Variants in COBLL1 observed in about 807,000 individuals in gnomAD.
COBLL1 encodes cordon-bleu protein-like 1.
Under a neutral mutation model 94.8 loss-of-function variants are expected in COBLL1, and 50 were observed. The observed-to-expected ratio is 0.53, with a 90% CI of 0.42 to 0.67. The LOEUF is 0.67. COBLL1 is among the 30% of genes least tolerant of loss of function. The probability of loss-of-function intolerance (pLI) is 0.00; values close to 1 mark genes in which losing one functional copy is unlikely to be tolerated. For synonymous variants in COBLL1, 448 were observed against 473.8 expected (o/e 0.95, Z 0.71); for missense variants, 1,362 against 1,348.7 (o/e 1.01, Z -0.15).
chr2:164,673,378 T>TGGGCGCGGTGGCTAGGCC (rs1691278754), intron 1 of COBLL1, among the ~76,000 whole-genome samples: 1 of 152,018 alleles, frequency 6.6e-6, no homozygotes, highest in Non-Finnish European at 1.5e-5. Context: ...TCAGTAAGGC[T>TGGGCGCGGTGGCTAGGCC]GGGCGCGGTG....
rs1363221796 is a variant in COBLL1 at position 164,683,174 on chromosome 2, C to T, written c.*2772G>A. 6.6e-6 allele frequency: 1 copy of T among 151,552 alleles called. No individual in the cohort carries two copies. The highest frequency in any genetic ancestry group is 1.5e-5 in the Non-Finnish European group (1 of 67,906). 9.4% of individuals were successfully genotyped at this position (151,552 alleles called of 1,614,324 possible). ...GATGAAAAAGAATGTATTTTATACT[C>T]TATCATATATATGTAATCTGAATTA... On this transcript the variant is annotated 3_prime_UTR_variant, in exon 14 of 14. Coordinates refer to ENST00000652658, the MANE Select transcript of COBLL1 (RefSeq NM_001365672.2).
At chr2:164,690,654 T>G (rs1193715991) in intron 13 of COBLL1, among the ~76,000 whole-genome samples, 1 of 152,170 alleles carries the variant, frequency 6.6e-6, no homozygotes. Flanking sequence ...CGCAATCAGT[T>G]TCTGTGTAGT....
At chr2:164,829,660 T>C (rs1176904636) in intron 2 of COBLL1, among the ~76,000 whole-genome samples, 2 of 152,110 alleles carry the variant, frequency 1.3e-5, no homozygotes, top group African/African-American at 4.8e-5. Flanking sequence ...AAATAATATA[T>C]TTAAATACAA....
chr2:164,840,838 C>T (rs999258232), intron 2 of COBLL1: 1 of 292,730 alleles, frequency 3.4e-6, no homozygotes, highest in Admixed American at 5.2e-5. Context: ...GTCCACCGCT[C>T]CCCCAGAGCC....
At chr2:164,722,043 A>C (rs1238341206) in intron 7 of COBLL1, 32 bp downstream of exon 7, 1 of 1,511,458 alleles carries the variant, frequency 6.6e-7, no homozygotes, top group Admixed American at 2.1e-5. Flanking sequence ...TGCCTCATCC[A>C]AAAAAACAAA....
rs541088759 is a variant in COBLL1 at position 164,728,564 on chromosome 2, C to T, written c.433-367G>A. Among the ~76,000 whole-genome samples the T allele has an allele frequency of 1.4e-4, 22 of 151,866 alleles. 1 individual carries two copies. In the South Asian group the frequency reaches 3.5e-3, roughly 24 times the overall value. On this transcript the variant is annotated intron_variant, in intron 4 of 13. Transcript: ENST00000652658. ...CAAAATTATGTATATTTTATCCTAC[C>T]CTTTGAGGAATATTTATCTTTCAAA...
At chr2:164,687,342 C>T (rs749188526) in intron 13 of COBLL1, 8 of 685,290 alleles carry the variant, frequency 1.2e-5, no homozygotes, top group Non-Finnish European at 1.6e-5. Flanking sequence ...GTACTTGACC[C>T]CACAGCCATA....
intron 3 of COBLL1, among the ~76,000 whole-genome samples, chr2:164,738,023 T>C (rs775673129): frequency 6.6e-6 from 1 of 152,204 alleles, no homozygotes; most frequent in African/African-American, 2.4e-5. Context: ...CTGTAACTTC[T>C]AGTTGGGACT....
At chr2:164,706,997 C>A (rs1189919152) in intron 7 of COBLL1, among the ~76,000 whole-genome samples, 1 of 152,166 alleles carries the variant, frequency 6.6e-6, no homozygotes, top group African/African-American at 2.4e-5. Flanking sequence ...TCACTCCACT[C>A]CAGCCACACT....
At chr2:164,715,269 A>C (rs1420234012) in intron 7 of COBLL1, among the ~76,000 whole-genome samples, 1 of 152,178 alleles carries the variant, frequency 6.6e-6, no homozygotes, top group Non-Finnish European at 1.5e-5. Context: ...GAATGAAACC[A>C]GTCATATTTT....
intron 11 of COBLL1, chr2:164,697,151 C>G (rs920374462): frequency 2.6e-5 from 4 of 152,086 alleles, no homozygotes; most frequent in Admixed American, 1.3e-4. Flanking sequence ...CATTTTTAAA[C>G]TCTGCCTGAT....
At chr2:164,723,223 A>G (rs1460533070) in intron 5 of COBLL1, 1 of 152,180 alleles carries the variant, frequency 6.6e-6, no homozygotes, top group African/African-American at 2.4e-5. Flanking sequence ...CTCAAATGTT[A>G]ATAGTGCTGA....
chr2:164,713,011 T>TAAA (rs1684982425), intron 7 of COBLL1, among the ~76,000 whole-genome samples: 2 of 152,150 alleles, frequency 1.3e-5, no homozygotes, highest in African/African-American at 4.8e-5. Flanking sequence ...AGTTTCTTTG[T>TAAA]TATATTATTG....
At position 164,686,047 on chromosome 2, in the gene COBLL1, C is replaced by T. The variant is rs1228394100; in HGVS notation, c.3301-15G>A. The T allele has an allele frequency of 5.2e-5, 75 of 1,443,882 alleles. No individual in the cohort carries two copies. Among genetic ancestry groups the T allele is most frequent in the Non-Finnish European group, 7.1e-5 (74 of 1,040,416 alleles). 89.4% of individuals were successfully genotyped at this position (1,443,882 alleles called of 1,614,324 possible). ...GGAATGGTAACCTAAGAGAAAGAAA[C>T]ACACTTTGCACCCATCAATTTAAAA... On this transcript the variant is annotated splice_polypyrimidine_tract_variant and intron_variant, in intron 13 of 13. Coordinates refer to ENST00000652658, the MANE Select transcript of COBLL1 (RefSeq NM_001365672.2).
Position 164,694,384 on chromosome 2 carries a change from C to A in COBLL1, c.3008G>T (p.Arg1003Leu). ...VKRSQSFSKERTESPSASALV... is the reference protein window; with the variant it reads ...VKRSQSFSKELTESPSASALV... The stretch of plus-strand genomic sequence containing the variant: ...TGCACTGGCACTAGGTGACTCGGTG[C>A]GCTCTTTACTGAAAGACTGTGACCT... The change falls in exon 12 of 14, where the codon CGC becomes CTC. Residue 1003 changes from arginine (R) to leucine (L), a missense_variant. Arg to Leu is a moderately radical substitution (Grantham distance 102, BLOSUM62 -2). Coordinates refer to ENST00000652658, the MANE Select transcript of COBLL1 (RefSeq NM_001365672.2). The A allele has an allele frequency of 6.2e-7, 1 of 1,613,996 alleles. No individual in the cohort carries two copies. The highest frequency in any genetic ancestry group is 8.5e-7 in the Non-Finnish European group (1 of 1,179,942).
In COBLL1 at chr2:164,682,049, C is replaced by A. The variant is rs547423483; in HGVS notation, c.*3897G>T. The A allele has an allele frequency of 6.6e-6, 1 of 152,242 alleles. No individual in the cohort carries two copies. The highest frequency in any genetic ancestry group is 2.1e-4 in the South Asian group (1 of 4,826). The allele number at this position is 152,242 out of a possible 1,614,324, so 9.4% of individuals were successfully genotyped here. ...TCTGGTATCCCTTGAAATCTAGCAC[C>A]AGTTTCTTCATCATTTGCTACATTT... On this transcript the variant is annotated 3_prime_UTR_variant, in exon 14 of 14. Coordinates refer to ENST00000652658, the MANE Select transcript of COBLL1 (RefSeq NM_001365672.2).
intron 1 of COBLL1, among the ~76,000 whole-genome samples, chr2:164,673,646 C>T (rs889047274): frequency 6.6e-6 from 1 of 151,894 alleles, no homozygotes; most frequent in African/African-American, 2.4e-5. Flanking sequence ...TGCACTGCAG[C>T]CTGGGTGAAA....
chr2:164,666,972 T>C (rs551055609), intron 1 of COBLL1, among the ~76,000 whole-genome samples: 1 of 152,354 alleles, frequency 6.6e-6, no homozygotes, highest in Non-Finnish European at 1.5e-5. Flanking sequence ...ATGTTCTTAA[T>C]GGCATCTAGA....
At chr2:164,798,944 C>T (rs966366931) in intron 2 of COBLL1, among the ~76,000 whole-genome samples, 11 of 138,986 alleles carry the variant, frequency 7.9e-5, no homozygotes, top group African/African-American at 3.0e-4. Context: ...GGCGTGAACC[C>T]GGGAGGCAGA....
Sources: gnomAD v4.1 joint callset for allele counts (sites outside exome capture counted in the v4.1 genomes callset) on GRCh38, gnomAD v4.1.1 for gene constraint, MANE v1.5 for transcripts, NCBI Gene and HGNC (gene_info 2026-07-23, HGNC 2026-07-21) for gene names.